CLSTN2: variants seen among roughly 807,000 people sequenced by gnomAD.
The protein encoded by CLSTN2 is calsyntenin-2.
CLSTN2 carries 48 observed loss-of-function variants against 101.2 expected under a neutral mutation model. That is an observed-to-expected ratio of 0.47 (90% CI 0.38 to 0.60). The LOEUF (loss-of-function observed/expected upper bound fraction) is 0.60. CLSTN2 is among the 20% of genes least tolerant of loss of function. The pLI, the probability that CLSTN2 is intolerant of heterozygous loss-of-function variation, is 0.00. For missense variants in CLSTN2, 1,160 were observed against 1,238.2 expected (o/e 0.94, Z 0.95); for synonymous variants, 481 against 463.6 (o/e 1.04, Z -0.48).
intron 2 of CLSTN2, among the ~76,000 whole-genome samples, chr3:140,211,477 CA>C (rs1430767356): frequency 6.1e-5 from 9 of 148,428 alleles, no homozygotes; most frequent in African/African-American, 2.2e-4. Flanking sequence ...CTGTCTACTC[CA>C]CACTTATCTT....
intron 1 of CLSTN2, among the ~76,000 whole-genome samples, chr3:140,097,894 T>C (rs191960112): frequency 4.5e-4 from 69 of 152,346 alleles, no homozygotes; most frequent in Non-Finnish European, 8.2e-4. Flanking sequence ...AGTTCTCGTA[T>C]TTTTGTTCTC....
chr3:140,456,370 T>A (rs968052946), intron 6 of CLSTN2, among the ~76,000 whole-genome samples: 3 of 152,192 alleles, frequency 2.0e-5, no homozygotes, highest in Non-Finnish European at 2.9e-5. Flanking sequence ...TAACCTGGAA[T>A]CTTAACGATA....
intron 2 of CLSTN2, among the ~76,000 whole-genome samples, chr3:140,205,325 C>T (rs893592212): frequency 1.3e-5 from 2 of 152,130 alleles, no homozygotes; most frequent in African/African-American, 4.8e-5. Flanking sequence ...ACATAGATGC[C>T]ACAGAGGCAG....
chr3:140,425,003 G>C (rs1370279740), intron 5 of CLSTN2, among the ~76,000 whole-genome samples: 1 of 152,172 alleles, frequency 6.6e-6, no homozygotes, highest in Non-Finnish European at 1.5e-5. Flanking sequence ...TTAATTCTCT[G>C]GGAGAACAGA....
intron 4 of CLSTN2, among the ~76,000 whole-genome samples, chr3:140,415,485 G>GCAAAAAAAAAAA (rs2088419009): frequency 9.5e-5 from 1 of 10,554 alleles, no homozygotes; most frequent in African/African-American, 2.9e-4. Flanking sequence ...ACACAAAATA[G>GCAAAAAAAAAAA]CAAAAAAAAA....
chr3:140,263,178 G>C (rs1304856612), intron 2 of CLSTN2, among the ~76,000 whole-genome samples: 1 of 152,124 alleles, frequency 6.6e-6, no homozygotes, highest in Non-Finnish European at 1.5e-5. Flanking sequence ...ATTCAGAGAA[G>C]TGAAGGATAT....
intron 8 of CLSTN2, among the ~76,000 whole-genome samples, chr3:140,530,479 T>C (rs1312725286): frequency 6.6e-6 from 1 of 152,240 alleles, no homozygotes; most frequent in Non-Finnish European, 1.5e-5. Context: ...AAAAAACACC[T>C]AGGAAAAACA....
intron 1 of CLSTN2, among the ~76,000 whole-genome samples, chr3:140,105,347 C>T (rs1675387793): frequency 6.6e-6 from 1 of 152,188 alleles, no homozygotes; most frequent in Non-Finnish European, 1.5e-5. Context: ...GGAGAGAAGG[C>T]ATCATATCTT....
chr3:140,236,023 C>T (rs2086414357), intron 2 of CLSTN2, among the ~76,000 whole-genome samples: 1 of 152,028 alleles, frequency 6.6e-6, no homozygotes, highest in Non-Finnish European at 1.5e-5. Context: ...CATTCTGTGT[C>T]CCTGAGCAAG....
In CLSTN2 at chr3:140,096,793, T is replaced by TAGG. The variant is rs764765818; in HGVS notation, c.110-79154_110-79152dup. On this transcript the variant is annotated intron_variant, in intron 1 of 16. Transcript: ENST00000458420. Reference sequence around the variant, plus strand: ...GGCTCTGTGATCTCTTCGTCTGGAATAGGAGGCTGTGCTGTGGGGAAGAAA... The same window carrying TAGG: ...GGCTCTGTGATCTCTTCGTCTGGAATAGGAGGAGGCTGTGCTGTGGGGAAGAAA... Among the ~76,000 whole-genome samples the TAGG allele has an allele frequency of 1.2e-4, 19 of 152,324 alleles. No homozygotes were observed. In the South Asian group the frequency reaches 3.9e-3, roughly 32 times the overall value.
intron 2 of CLSTN2, among the ~76,000 whole-genome samples, chr3:140,291,836 G>A (rs76603516): frequency 0.019 from 2,845 of 152,036 alleles, 73 homozygotes; most frequent in African/African-American, 0.064. Flanking sequence ...AATCAGCCTT[G>A]ATTCCTCTGC....
chr3:140,496,305 CA>C (rs1370022291), intron 8 of CLSTN2, among the ~76,000 whole-genome samples: 1 of 152,132 alleles, frequency 6.6e-6, no homozygotes, highest in Non-Finnish European at 1.5e-5. Context: ...GATTTTTGCA[CA>C]TTGATTTTGT....
intron 2 of CLSTN2, among the ~76,000 whole-genome samples, chr3:140,216,114 T>C (rs1284731411): frequency 6.6e-6 from 1 of 152,132 alleles, no homozygotes; most frequent in Non-Finnish European, 1.5e-5. Context: ...TGAACCCTAT[T>C]GTGAACCGTG....
At chr3:140,321,613 G>A (rs2087283547) in intron 2 of CLSTN2, among the ~76,000 whole-genome samples, 2 of 152,090 alleles carry the variant, frequency 1.3e-5, no homozygotes, top group African/African-American at 4.8e-5. Flanking sequence ...TTAGCAGTGA[G>A]GATAAGGGCA....
At chr3:140,449,360 A>G (rs1467471581) in intron 6 of CLSTN2, 1 of 152,206 alleles carries the variant, frequency 6.6e-6, no homozygotes, top group Non-Finnish European at 1.5e-5. Context: ...ACACAAAACC[A>G]AAAGTGAGTG....
chr3:140,309,787 T>C (rs377591823), intron 2 of CLSTN2, among the ~76,000 whole-genome samples: 31 of 152,180 alleles, frequency 2.0e-4, no homozygotes, highest in African/African-American at 7.0e-4. Context: ...GGCCTTCGTG[T>C]CCTTATGTCT....
chr3:140,117,425 C>T (rs570118770), intron 1 of CLSTN2, among the ~76,000 whole-genome samples: 5 of 152,166 alleles, frequency 3.3e-5, no homozygotes, highest in African/African-American at 1.2e-4. Context: ...TAAAACAGAG[C>T]TAACAGTACC....
chr3:140,215,304 C>G (rs965138595), intron 2 of CLSTN2, among the ~76,000 whole-genome samples: 1 of 152,174 alleles, frequency 6.6e-6, no homozygotes, highest in African/African-American at 2.4e-5. Flanking sequence ...TGGCAATACC[C>G]ACCTATCCCT....
rs1016965889 is a variant in CLSTN2 at position 140,566,250 on chromosome 3, C to T, written c.2865C>T (p.Tyr955=). 1 of 1,562,974 alleles carries T rather than the reference C, an allele frequency of 6.4e-7. No homozygotes were observed. ...AGTGGGATGACTCCACCCTCCCCTA[C>T]TAGTGCCCAGGGGTCTGCTGCCTGG... is the stretch of plus-strand genomic sequence containing the variant. ...QLEWDDSTLP[Y] is the part of the protein sequence containing the mutation. The change falls in exon 17 of 17, where the codon TAC becomes TAT. Residue 955 remains tyrosine (Y), a synonymous_variant. Transcript: ENST00000458420.
Sources: allele counts gnomAD v4.1 joint callset (sites outside exome capture counted in the v4.1 genomes callset), GRCh38; gene constraint gnomAD v4.1.1; transcripts MANE v1.5; gene names NCBI Gene and HGNC (gene_info 2026-07-23, HGNC 2026-07-21).